Variants in PHACTR2 observed in about 807,000 individuals in gnomAD.
PHACTR2 encodes the protein chromosome 6 open reading frame 56.
PHACTR2 carries 30 observed loss-of-function variants against 76.0 expected under a neutral mutation model. That is an observed-to-expected ratio of 0.39 (90% CI 0.30 to 0.54). The LOEUF is 0.54. Among genes scored for constraint, PHACTR2 ranks in the 20% least tolerant of loss-of-function variants. The probability of loss-of-function intolerance (pLI) is 0.61; values close to 1 mark genes in which losing one functional copy is unlikely to be tolerated. For missense variants in PHACTR2, 696 were observed against 781.1 expected (o/e 0.89, Z 1.30); for synonymous variants, 292 against 292.5 (o/e 1.00, Z 0.02).
In PHACTR2 at chr6:143,647,315, T is replaced by C. The variant is rs374542640; in HGVS notation, c.13+38993T>C. On this transcript the variant is annotated intron_variant, in intron 1 of 11. Coordinates refer to the PHACTR2 transcript ENST00000305766. The surrounding 1 kb of genome is among the most constrained non-coding windows in gnomAD (Gnocchi z 4.2). ...CTAAAGTCACGTGGCTAATGAGTAA[T>C]AACAAGATTCAAAATCAAAACAACC... is the stretch of plus-strand genomic sequence containing the variant. Among the ~76,000 whole-genome samples the C allele has an allele frequency of 3.9e-5, 6 of 152,302 alleles. No individual in the cohort carries two copies. The East Asian group carries it at 1.2e-3, about 29-fold the overall frequency.
chr6:143,681,341 T>G (rs1719133001), intron 1 of PHACTR2, among the ~76,000 whole-genome samples: 1 of 152,206 alleles, frequency 6.6e-6, no homozygotes, highest in Non-Finnish European at 1.5e-5. Context: ...TCCTTTTCCC[T>G]AATTACTAAT....
chr6:143,796,411 CTTTCTTTGTTTT>C, intron 11 of PHACTR2, among the ~76,000 whole-genome samples: 1 of 118,062 alleles, frequency 8.5e-6, no homozygotes, highest in East Asian at 2.3e-4. Flanking sequence ...TTCTTTCTTT[CTTTCTTTGTTTT>C]TATTATACTT....
rs1247587260 is a variant in PHACTR2 at position 143,633,070 on chromosome 6, C to T, written c.13+24748C>T. 6.6e-6 allele frequency among the ~76,000 whole-genome samples: 1 copy of T among 152,212 alleles called. No individual in the cohort carries two copies. Among genetic ancestry groups the T allele is most frequent in the African/African-American group, 2.4e-5 (1 of 41,452 alleles). The stretch of plus-strand genomic sequence containing the variant: ...TTATGAATGAAGCTGCTATAAACAT[C>T]TGTGTGCAGGGCTTTTTGCTGACAT... On this transcript the variant is annotated intron_variant, in intron 1 of 11. Transcript: ENST00000305766. This position sits in a 1 kb window ranked among gnomAD's most constrained non-coding sequence, Gnocchi z 4.1.
intron 1 of PHACTR2, among the ~76,000 whole-genome samples, chr6:143,690,175 T>C (rs1245721040): frequency 6.6e-6 from 1 of 152,250 alleles, no homozygotes; most frequent in Admixed American, 6.5e-5. Context: ...CCCCACACTT[T>C]CTCTTGTTAT....
At chr6:143,657,016 A>G (rs1776859791) in intron 1 of PHACTR2, among the ~76,000 whole-genome samples, 1 of 150,180 alleles carries the variant, frequency 6.7e-6, no homozygotes, top group Admixed American at 6.6e-5. Context: ...TCTCACTCAT[A>G]AGTAGGAGTT....
chr6:143,814,307 G>T (rs1036042185), intron 12 of PHACTR2, among the ~76,000 whole-genome samples: 3 of 152,126 alleles, frequency 2.0e-5, no homozygotes, highest in Admixed American at 6.5e-5. Flanking sequence ...AGTAAGCTGA[G>T]ATCGCCTGGG....
At chr6:143,788,687 C>A in intron 10 of PHACTR2, 86 bp from the exon 11 acceptor site, 21 of 875,594 alleles carry the variant, frequency 2.4e-5, no homozygotes, top group Non-Finnish European at 3.1e-5. Flanking sequence ...TTAACCATAA[C>A]TTTGAAGTGT....
Position 143,585,006 on chromosome 6 carries a change from C to T in PHACTR2, c.217+47799C>T, listed in dbSNP as rs1775612024. Among the ~76,000 whole-genome samples, 1 of 149,392 alleles carries T rather than the reference C, an allele frequency of 6.7e-6. No individual in the cohort carries two copies. Among genetic ancestry groups the T allele is most frequent in the Non-Finnish European group, 1.5e-5 (1 of 67,446 alleles). ...AAAAAAAAAAAAAAAAAGCTATAGG[C>T]TTGGCTGTCATACCTTCTATAGGCT... On this transcript the variant is annotated intron_variant, in intron 1 of 11. Coordinates refer to the PHACTR2 transcript ENST00000367584. The surrounding 1 kb of genome is among the most constrained non-coding windows in gnomAD (Gnocchi z 5.2).
At chr6:143,607,236 G>A (rs1017397206), upstream of PHACTR2, among the ~76,000 whole-genome samples, 2 of 152,140 alleles carry the variant, frequency 1.3e-5, no homozygotes, top group Non-Finnish European at 1.5e-5. Context: ...TCATTTCATC[G>A]TAGGTCCTAT....
At chr6:143,810,139 AT>A (rs1776146136) in intron 12 of PHACTR2, among the ~76,000 whole-genome samples, 1 of 152,114 alleles carries the variant, frequency 6.6e-6, no homozygotes. Flanking sequence ...ATATTTGTGT[AT>A]ATATATATTT....
intron 12 of PHACTR2, among the ~76,000 whole-genome samples, chr6:143,810,947 A>AT (rs368309883): frequency 6.6e-6 from 1 of 151,884 alleles, no homozygotes; most frequent in Non-Finnish European, 1.5e-5. Flanking sequence ...ATGTTGCAAT[A>AT]TTTTTTCCAA....
In PHACTR2 at chr6:143,678,163, C is replaced by A; in HGVS notation, c.-1C>A. ...CTGGACCTGGCCCTGCGACCCCAGT[C>A]ATGGGCCAGACCTCGGTGTCCACGC... On this transcript the variant is annotated 5_prime_UTR_variant, in exon 1 of 13. Transcript: ENST00000440869. The surrounding 1 kb of genome is among the most constrained non-coding windows in gnomAD (Gnocchi z 6.2). The A allele has an allele frequency of 6.5e-7, 1 of 1,544,668 alleles. No homozygotes were observed. Among genetic ancestry groups the A allele is most frequent in the South Asian group, 1.2e-5 (1 of 83,874 alleles).
At position 143,788,922 on chromosome 6, in the gene PHACTR2, A is replaced by G. The variant is rs113778966; in HGVS notation, c.1845+12A>G. 731 of 1,605,616 alleles carry G rather than the reference A, an allele frequency of 4.6e-4. 6 individuals carry two copies. In the African/African-American group the frequency reaches 8.6e-3, roughly 19 times the overall value. On this transcript the variant is annotated intron_variant, in intron 11 of 12. Coordinates refer to ENST00000440869, the MANE Select transcript of PHACTR2 (RefSeq NM_001100164.2). ...CACCTGCAGACAAGGCAAGAATCCC[A>G]GTGGATTTTGTGTTGATTGTATTGC... is the stretch of plus-strand genomic sequence containing the variant.
In PHACTR2 at chr6:143,678,029, G is replaced by C; in HGVS notation, c.-135G>C. The stretch of plus-strand genomic sequence containing the variant: ...CGGGCTGGGAGACCCGCGCGGGGTA[G>C]AAGGTGAGGGGACCCGGCGGGCCGC... On this transcript the variant is annotated 5_prime_UTR_variant, in exon 1 of 13. Transcript: ENST00000440869. This position sits in a 1 kb window ranked among gnomAD's most constrained non-coding sequence, Gnocchi z 6.2. 1.3e-6 allele frequency: 2 copies of C among 1,514,176 alleles called. No homozygotes were observed. The highest frequency in any genetic ancestry group is 5.3e-5 in the East Asian group (2 of 37,658). 93.8% of individuals were successfully genotyped at this position (1,514,176 alleles called of 1,614,324 possible).
chr6:143,690,387 A>G (rs1300661387), intron 1 of PHACTR2, among the ~76,000 whole-genome samples: 2 of 151,464 alleles, frequency 1.3e-5, no homozygotes, highest in East Asian at 1.9e-4. Flanking sequence ...TTGAATCTTC[A>G]GATTGCTGGA....
Position 143,620,815 on chromosome 6 carries a change from T to G in PHACTR2, c.13+12493T>G, listed in dbSNP as rs1055436195. Among the ~76,000 whole-genome samples, 7 of 152,222 alleles carry G rather than the reference T, an allele frequency of 4.6e-5. No individual in the cohort carries two copies. The East Asian group carries it at 1.3e-3, about 29-fold the overall frequency. ...CTTTGGGACGCATGCAATATTGTTT[T>G]TAGGGAAATGTGGTTGTATTTGCCC... On this transcript the variant is annotated intron_variant, in intron 1 of 11. Coordinates refer to the PHACTR2 transcript ENST00000305766.
At position 143,580,170 on chromosome 6, in the gene PHACTR2, G is replaced by A. The variant is rs1775555921; in HGVS notation, c.217+42963G>A. 6.6e-6 allele frequency among the ~76,000 whole-genome samples: 1 copy of A among 152,172 alleles called. No individual in the cohort carries two copies. Among genetic ancestry groups the A allele is most frequent in the South Asian group, 2.1e-4 (1 of 4,822 alleles). ...CTTTCTATAGCTTCGTCTCAAAAGT[G>A]ATATCCCATCCCTTTAGAAGGGAGT... On this transcript the variant is annotated intron_variant, in intron 1 of 11. Transcript: ENST00000367584. The surrounding 1 kb of genome is among the most constrained non-coding windows in gnomAD (Gnocchi z 4.2).
chr6:143,612,334 T>C (rs1003194132), intron 1 of PHACTR2, among the ~76,000 whole-genome samples: 5 of 152,168 alleles, frequency 3.3e-5, no homozygotes, highest in Non-Finnish European at 7.3e-5. Flanking sequence ...TTCAAGCTGG[T>C]TCAAAACCTT....
Position 143,574,113 on chromosome 6 carries a change from T to C in PHACTR2, c.217+36906T>C, listed in dbSNP as rs1193607293. Among the ~76,000 whole-genome samples, 4 of 152,234 alleles carry C rather than the reference T, an allele frequency of 2.6e-5. No individual in the cohort carries two copies. In the East Asian group the frequency reaches 7.7e-4, roughly 29 times the overall value. On this transcript the variant is annotated intron_variant, in intron 1 of 11. Transcript: ENST00000367584. ...GAATTTATTTTAAGCTCATTACACC[T>C]GCAGGCAGGATTCAGTTCGTGCAGC...
Sources: allele counts gnomAD v4.1 joint callset (sites outside exome capture counted in the v4.1 genomes callset), GRCh38; gene constraint gnomAD v4.1.1; non-coding constraint Gnocchi (gnomAD v3.1); transcripts MANE v1.5; gene names NCBI Gene and HGNC (gene_info 2026-07-23, HGNC 2026-07-21).